WRNIP1: variants seen among roughly 807,000 people sequenced by gnomAD.
The protein encoded by WRNIP1 is WRN helicase interacting protein 1.
WRNIP1 carries 41 observed loss-of-function variants against 56.1 expected under a neutral mutation model. The ratio of observed to expected loss-of-function variants is 0.73; its 90% CI spans 0.57 to 0.95. WRNIP1 has a LOEUF of 0.95. WRNIP1 is among the 40% of genes least tolerant of loss of function. The pLI, the probability that WRNIP1 is intolerant of heterozygous loss-of-function variation, is 0.00. For missense variants in WRNIP1, 1,170 were observed against 939.4 expected, an observed-to-expected ratio of 1.25 and a Z score of -3.21; for synonymous variants, 547 against 398.1, an observed-to-expected ratio of 1.37 and a Z score of -4.45.
At chr6:2,779,716 G>T (rs1434875804) in intron 4 of WRNIP1, among the ~76,000 whole-genome samples, 1 of 152,210 alleles carries the variant, frequency 6.6e-6, no homozygotes, top group Admixed American at 6.5e-5. Context: ...GAATCTAGAG[G>T]AGTTTTGGGG....
intron 3 of WRNIP1, among the ~76,000 whole-genome samples, chr6:2,775,093 C>T (rs2113470327): frequency 6.6e-6 from 1 of 152,310 alleles, no homozygotes; most frequent in East Asian, 1.9e-4. Flanking sequence ...CCAAGACCAA[C>T]CAGCTTCAAT....
intron 3 of WRNIP1, among the ~76,000 whole-genome samples, chr6:2,772,141 A>G (rs1409320022): frequency 6.6e-6 from 1 of 152,212 alleles, no homozygotes; most frequent in Admixed American, 6.5e-5. Context: ...TCCTTGTGAG[A>G]AGAATTTCTA....
Position 2,782,909 on chromosome 6 carries a change from C to T in WRNIP1, c.1487-497C>T, listed in dbSNP as rs1320624441. 2.6e-5 allele frequency among the ~76,000 whole-genome samples: 4 copies of T among 152,168 alleles called. 1 individual carries two copies. The highest frequency in any genetic ancestry group is 6.3e-3 in the Middle Eastern group (2 of 316). On this transcript the variant is annotated intron_variant, in intron 4 of 6. Coordinates refer to ENST00000380773, the MANE Select transcript of WRNIP1 (RefSeq NM_020135.3). ...GCTGGCAGAAGGAGGTTTAAATGAC[C>T]ACAGGCTTCGGATATCAGAAAGGCA...
In WRNIP1 at chr6:2,767,240, A is replaced by T. The variant is rs1162231522; in HGVS notation, c.822+796A>T. 5.3e-5 allele frequency among the ~76,000 whole-genome samples: 8 copies of T among 152,338 alleles called. No homozygotes were observed. The East Asian group carries it at 1.2e-3, about 22-fold the overall frequency. On this transcript the variant is annotated intron_variant, in intron 1 of 6. Transcript: ENST00000380773. ...AAAACACTTGAGAAAAAAATGGAGG[A>T]GGTGAGCCAGAAAACAGAGAAAGCT... is the stretch of plus-strand genomic sequence containing the variant.
intron 1 of WRNIP1, among the ~76,000 whole-genome samples, chr6:2,768,228 C>T (rs1765113261): frequency 6.6e-6 from 1 of 152,208 alleles, no homozygotes; most frequent in African/African-American, 2.4e-5. Context: ...TGCTCCCTCA[C>T]TCTCCTTTTC....
chr6:2,773,362 G>T, intron 3 of WRNIP1: 1 of 985,376 alleles, frequency 1.0e-6, no homozygotes, highest in Non-Finnish European at 1.2e-6. Context: ...AAGTGCAGTG[G>T]GCGTAGAGAA....
intron 3 of WRNIP1, among the ~76,000 whole-genome samples, chr6:2,777,188 A>G (rs544952108): frequency 1.3e-5 from 2 of 152,322 alleles, no homozygotes; most frequent in South Asian, 4.1e-4. Context: ...CATATAATTT[A>G]TAAGAAGTAA....
chr6:2,765,648 A>G lies in WRNIP1; in HGVS notation c.26A>G (p.Asp9Gly). The change falls in exon 1 of 7, where the codon GAC (aspartate) becomes GGC (glycine). Residue 9 changes from aspartate (D) to glycine (G), a missense_variant. Asp to Gly is a moderately conservative substitution (Grantham distance 94). Coordinates refer to ENST00000380773, the MANE Select transcript of WRNIP1 (RefSeq NM_020135.3). ...ATGGAGGTGAGCGGGCCGGAAGACG[A>G]CCCCTTCCTTTCGCAGCTGCACCAG... MEVSGPED[D>G]PFLSQLHQVQ... 1 of 1,544,504 alleles carries G rather than the reference A, an allele frequency of 6.5e-7. No individual in the cohort carries two copies. The highest frequency in any genetic ancestry group is 1.1e-5 in the South Asian group (1 of 87,246).
Position 2,779,365 on chromosome 6 carries a change from T to C in WRNIP1, c.1359T>C (p.Ala453=). 1.2e-6 allele frequency: 2 copies of C among 1,614,200 alleles called. No individual in the cohort carries two copies. ...GLNGLQLAVL[A]RLSSRKMFCK... Reference sequence around the variant, plus strand: ...ACGGACTGCAGCTGGCGGTGCTGGCTAGGTTAAGCTCTAGGAAGATGTTCT... The same window carrying C: ...ACGGACTGCAGCTGGCGGTGCTGGCCAGGTTAAGCTCTAGGAAGATGTTCT... The change falls in exon 4 of 7, where the codon GCT becomes GCC. Residue 453 remains alanine, a synonymous_variant. Coordinates refer to ENST00000380773, the MANE Select transcript of WRNIP1 (RefSeq NM_020135.3).
At position 2,783,653 on chromosome 6, in the gene WRNIP1, T is replaced by TTTTTTTTTTGGGG; in HGVS notation, c.1642+92_1642+93insTTTTTTTTTGGGG. 12 of 120,098 alleles carry TTTTTTTTTTGGGG rather than the reference T, an allele frequency of 1.0e-4. 1 individual carries two copies. The highest frequency in any genetic ancestry group is 4.5e-4 in the African/African-American group (5 of 11,080). The allele number at this position is 120,098 out of a possible 1,614,324, so 7.4% of individuals were successfully genotyped here. A position where few individuals can be genotyped will look rare whatever the true frequency, so the allele number is the denominator to read the frequency against. On this transcript the variant is annotated intron_variant, in intron 5 of 6. Coordinates refer to ENST00000380773, the MANE Select transcript of WRNIP1 (RefSeq NM_020135.3). ...TCGTGGCTTTTTTTTTTTTTTTTTT[T>TTTTTTTTTTGGGG]GCAGGGCGGGGTGGGCGGGGGTAGC... is the stretch of plus-strand genomic sequence containing the variant.
In WRNIP1 at chr6:2,779,474, A is replaced by G. The variant is rs148963584; in HGVS notation, c.1468A>G (p.Ile490Val). Residue 490 changes from isoleucine (I) to valine (V), a missense_variant, in exon 4 of 7, where the codon ATT (isoleucine) becomes GTT (valine). By Grantham distance (29) the Ile-to-Val change is conservative. Transcript: ENST00000380773. ...GAAGGAGGGCCTACAGCGATCCCAC[A>G]TTTTATATGACCGGGCAGGTAAGTA... ...DVKEGLQRSHILYDRAGEEHY... is the reference protein window; with the variant it reads ...DVKEGLQRSHVLYDRAGEEHY... 1.4e-4 allele frequency: 234 copies of G among 1,613,908 alleles called. No individual in the cohort carries two copies. In the African/African-American group the frequency reaches 2.9e-3, roughly 20 times the overall value.
At chr6:2,769,977 T>G in intron 2 of WRNIP1, 143 bp from the exon 3 acceptor site, 1 of 1,204,406 alleles carries the variant, frequency 8.3e-7, no homozygotes, top group Non-Finnish European at 1.2e-6. Flanking sequence ...TGCATCTATA[T>G]TCAGTGAATA....
intron 3 of WRNIP1, among the ~76,000 whole-genome samples, chr6:2,776,645 T>G (rs779619140): frequency 1.3e-5 from 2 of 152,212 alleles, no homozygotes; most frequent in Non-Finnish European, 2.9e-5. Context: ...TGTTGATAAA[T>G]CAATGGAGTA....
At chr6:2,777,640 C>T (rs1765463628) in intron 3 of WRNIP1, among the ~76,000 whole-genome samples, 2 of 152,176 alleles carry the variant, frequency 1.3e-5, no homozygotes, top group Non-Finnish European at 2.9e-5. Context: ...CTGCTACACC[C>T]CTGTGATGCT....
At chr6:2,783,965 T>A (rs1253126641) in intron 5 of WRNIP1, among the ~76,000 whole-genome samples, 1 of 152,176 alleles carries the variant, frequency 6.6e-6, no homozygotes, top group Non-Finnish European at 1.5e-5. Flanking sequence ...AAGAAAAAGA[T>A]CAGGAAAGCT....
At chr6:2,783,374 C>A in intron 4 of WRNIP1, 32 bp from the exon 5 acceptor site, 1 of 1,530,778 alleles carries the variant, frequency 6.5e-7, no homozygotes. Context: ...CTCCTGTGAG[C>A]TCTGTGTGAG....
intron 4 of WRNIP1, among the ~76,000 whole-genome samples, chr6:2,782,139 C>G (rs968139845): frequency 1.3e-5 from 2 of 152,252 alleles, no homozygotes; most frequent in African/African-American, 4.8e-5. Flanking sequence ...CCCCGCCTTC[C>G]TCCACCCTGC....
intron 4 of WRNIP1, among the ~76,000 whole-genome samples, chr6:2,782,733 A>AT (rs1561916899): frequency 6.6e-6 from 1 of 152,114 alleles, no homozygotes; most frequent in Admixed American, 6.5e-5. Flanking sequence ...TTTAAAGCAC[A>AT]TTTCACTGAT....
intron 6 of WRNIP1, 137 bp from the exon 7 acceptor site, chr6:2,784,870 C>T: frequency 2.6e-6 from 3 of 1,135,932 alleles, no homozygotes; most frequent in East Asian, 4.7e-5. Context: ...GTTATCCAGA[C>T]TGTAGGCGCA....
Sources: allele counts gnomAD v4.1 joint callset (sites outside exome capture counted in the v4.1 genomes callset), GRCh38; gene constraint gnomAD v4.1.1; transcripts MANE v1.5; gene names NCBI Gene and HGNC (gene_info 2026-07-23, HGNC 2026-07-21).